GAS7: variants seen among roughly 807,000 people sequenced by gnomAD.
GAS7 encodes the protein growth arrest specific 7.
GAS7 carries 28 observed loss-of-function variants against 71.1 expected under a neutral mutation model. The ratio of observed to expected loss-of-function variants is 0.39; its 90% CI spans 0.29 to 0.54. The LOEUF is 0.54. Among genes scored for constraint, GAS7 ranks in the 20% least tolerant of loss-of-function variants. The pLI, the probability that GAS7 is intolerant of heterozygous loss-of-function variation, is 0.62. For synonymous variants in GAS7, 258 were observed against 245.8 expected, an observed-to-expected ratio of 1.05 and a Z score of -0.46; for missense variants, 436 against 627.8, an observed-to-expected ratio of 0.69 and a Z score of 3.27.
At chr17:10,161,482 C>T (rs751102190) in intron 1 of GAS7, among the ~76,000 whole-genome samples, 2 of 152,184 alleles carry the variant, frequency 1.3e-5, no homozygotes, top group African/African-American at 4.8e-5. Context: ...CACAAATATC[C>T]ACTACAGTAG....
chr17:10,019,877 A>G lies in GAS7; in HGVS notation c.204T>C (p.Pro68=). 1 of 1,613,854 alleles carries G rather than the reference A, an allele frequency of 6.2e-7. No individual in the cohort carries two copies. Among genetic ancestry groups the G allele is most frequent in the Non-Finnish European group, 8.5e-7 (1 of 1,179,900 alleles). The change falls in exon 2 of 14, where the codon CCT becomes CCC. Residue 68 remains proline, a synonymous_variant. Coordinates refer to ENST00000432992, the MANE Select transcript of GAS7 (RefSeq NM_201433.2). ...CCGTCTGGCTTTCTTCTCCCGGCGG[A>G]GGGGGGACCATTCCAGGCTTCTGTT... The part of the protein sequence containing the change: ...QLLEKPGMVP[P]PPGEESQTVI...
At chr17:9,929,938 T>C (rs1372636916) in intron 9 of GAS7, among the ~76,000 whole-genome samples, 1 of 152,182 alleles carries the variant, frequency 6.6e-6, no homozygotes, top group Non-Finnish European at 1.5e-5. Flanking sequence ...TCATGGCCCA[T>C]CAGTTTTTCT....
At position 9,917,061 on chromosome 17, in the gene GAS7, G is replaced by A; in HGVS notation, c.*167C>T. On this transcript the variant is annotated 3_prime_UTR_variant, in exon 14 of 14. Coordinates refer to ENST00000432992, the MANE Select transcript of GAS7 (RefSeq NM_201433.2). ...TGTCTTCTGGGCCTGGGAATATGGGGGAGCCCCCAGCTAGGCTGTCCGGGT... is the reference window on the plus strand; with the variant it reads ...TGTCTTCTGGGCCTGGGAATATGGGAGAGCCCCCAGCTAGGCTGTCCGGGT... 1.6e-6 allele frequency: 1 copy of A among 607,936 alleles called. No homozygotes were observed. 37.7% of individuals were successfully genotyped at this position (607,936 alleles called of 1,614,324 possible).
intron 1 of GAS7, among the ~76,000 whole-genome samples, chr17:10,130,897 T>C (rs920320517): frequency 1.3e-5 from 2 of 152,220 alleles, no homozygotes; most frequent in Non-Finnish European, 2.9e-5. Flanking sequence ...GCATTGCTTT[T>C]TGAGGTGCTG....
At position 10,053,197 on chromosome 17, in the gene GAS7, G is replaced by T. The variant is rs771999222; in HGVS notation, c.184-33300C>A. On this transcript the variant is annotated intron_variant, in intron 1 of 13. Transcript: ENST00000432992. The stretch of plus-strand genomic sequence containing the variant: ...CTGGGCTACTTAAATGCTCTCAGGG[G>T]TCCCCAAACCACAAATGAATAAAAT... Among the ~76,000 whole-genome samples the T allele has an allele frequency of 9.2e-5, 14 of 152,198 alleles. No individual in the cohort carries two copies. The South Asian group carries it at 2.5e-3, about 27-fold the overall frequency.
chr17:10,073,704 A>G (rs1280513186), intron 1 of GAS7, among the ~76,000 whole-genome samples: 2 of 152,168 alleles, frequency 1.3e-5, no homozygotes, highest in East Asian at 3.8e-4. Flanking sequence ...GGGAATTTCT[A>G]GGTACTACTA....
At chr17:10,048,231 G>A (rs936390613) in intron 1 of GAS7, among the ~76,000 whole-genome samples, 1 of 152,250 alleles carries the variant, frequency 6.6e-6, no homozygotes, top group East Asian at 1.9e-4. Context: ...GAACCAAGGA[G>A]GCGGAGGTTG....
intron 1 of GAS7, among the ~76,000 whole-genome samples, chr17:10,186,229 T>C (rs1756237493): frequency 6.6e-6 from 1 of 151,922 alleles, no homozygotes; most frequent in Admixed American, 6.6e-5. Context: ...AGTGCTGGCA[T>C]TCCAGGTGTG....
At chr17:10,133,116 T>TATATATATATATATATATATA (rs1319814933) in intron 1 of GAS7, among the ~76,000 whole-genome samples, 1 of 144,370 alleles carries the variant, frequency 6.9e-6, no homozygotes, top group Non-Finnish European at 1.5e-5. Flanking sequence ...GATTATATAT[T>TATATATATATATATATATATA]TTTATATTTT....
intron 2 of GAS7, among the ~76,000 whole-genome samples, chr17:9,989,653 G>A (rs2070767712): frequency 1.3e-5 from 2 of 152,120 alleles, no homozygotes; most frequent in Admixed American, 6.5e-5. Context: ...GGAGAATAAA[G>A]CAAGGAAGGG....
intron 1 of GAS7, among the ~76,000 whole-genome samples, chr17:10,150,554 G>A (rs1056317331): frequency 6.7e-6 from 1 of 148,750 alleles, no homozygotes; most frequent in African/African-American, 2.5e-5. Flanking sequence ...GCAGCAAATT[G>A]GAGTCATCTG....
At chr17:10,023,106 C>T (rs752701085) in intron 1 of GAS7, among the ~76,000 whole-genome samples, 2 of 152,214 alleles carry the variant, frequency 1.3e-5, no homozygotes, top group African/African-American at 2.4e-5. Flanking sequence ...TGATACTGAG[C>T]CGTGAAGGGC....
chr17:10,053,192 CA>C (rs771757868), intron 1 of GAS7, among the ~76,000 whole-genome samples: 2 of 152,156 alleles, frequency 1.3e-5, no homozygotes, highest in South Asian at 4.1e-4. Flanking sequence ...TAAATGCTCT[CA>C]GGGGTCCCCA....
chr17:10,073,666 G>C (rs2073363794), intron 1 of GAS7, among the ~76,000 whole-genome samples: 1 of 152,162 alleles, frequency 6.6e-6, no homozygotes, highest in East Asian at 1.9e-4. Flanking sequence ...CTAATTTAAA[G>C]CTTATGAGCT....
chr17:9,958,924 C>A, intron 5 of GAS7: 1 of 1,347,616 alleles, frequency 7.4e-7, no homozygotes, highest in East Asian at 2.8e-5. Context: ...CGCACGCATA[C>A]CTTCCCCTCC....
At chr17:10,065,799 T>G (rs115855449) in intron 1 of GAS7, among the ~76,000 whole-genome samples, 2,146 of 152,324 alleles carry the variant, frequency 0.014, 52 homozygotes, top group African/African-American at 0.047. Flanking sequence ...GAAATGTTGC[T>G]GTCAATACCT....
At chr17:9,918,264 C>G (rs1039528400) in intron 12 of GAS7, among the ~76,000 whole-genome samples, 165 bp from the exon 13 acceptor site, 1 of 148,048 alleles carries the variant, frequency 6.8e-6, no homozygotes, top group African/African-American at 2.5e-5. Context: ...GAAGGTGAAG[C>G]TGATGACAGC....
chr17:9,983,500 A>G (rs1196923868), intron 2 of GAS7, among the ~76,000 whole-genome samples: 1 of 146,446 alleles, frequency 6.8e-6, no homozygotes, highest in Admixed American at 6.8e-5. Flanking sequence ...CAAAAAATGA[A>G]AATAGGCCGG....
chr17:10,010,879 C>G (rs566841586), intron 2 of GAS7, among the ~76,000 whole-genome samples: 11 of 152,316 alleles, frequency 7.2e-5, no homozygotes, highest in Non-Finnish European at 1.6e-4. Flanking sequence ...AGCTTGTACT[C>G]AGCTCTACAA....
Sources: gnomAD v4.1 joint callset for allele counts (sites outside exome capture counted in the v4.1 genomes callset) on GRCh38, gnomAD v4.1.1 for gene constraint, MANE v1.5 for transcripts, NCBI Gene and HGNC (gene_info 2026-07-23, HGNC 2026-07-21) for gene names.